Variants in FLNA observed in about 807,000 individuals in gnomAD.
FLNA encodes the protein filamin A, also known as filamin-A.
A neutral mutation model predicts 157.6 loss-of-function variants in FLNA; 7 were observed. That is an observed-to-expected ratio of 0.04 (90% CI 0.03 to 0.08). The LOEUF is 0.08. FLNA is among the 10% of genes least tolerant of loss of function. FLNA has a pLI of 1.00. For synonymous variants in FLNA, 1,103 were observed against 1,060.8 expected, an observed-to-expected ratio of 1.04 and a Z score of -0.77; for missense variants, 1,750 against 2,398.4, an observed-to-expected ratio of 0.73 and a Z score of 5.65.
intron 13 of FLNA, 25 bp downstream of exon 13, chrX:154,364,499 CTT>C (rs1304662088): frequency 8.3e-7 from 1 of 1,203,274 alleles, no homozygotes; most frequent in Non-Finnish European, 1.1e-6. Context: ...CAGGGCGAGA[CTT>C]AGGCCATCAC....
Position 154,359,001 on chromosome X carries a change from T to G in FLNA, c.4457A>C (p.Lys1486Thr). ...ACACTCACCTTTGGGCCCTTGCACT[T>G]TGACCTGCAATGGGGCCACACCAGC... ...SKAGVAPLQVKVQGPKGLVEP... is the reference protein window; with the variant it reads ...SKAGVAPLQVTVQGPKGLVEP... Residue 1486 changes from lysine to threonine, a missense_variant, in exon 26 of 48, where the codon AAA becomes ACA. Physicochemically the swap from Lys to Thr is moderately conservative, Grantham distance 78. This residue lies in a region of FLNA where 970 missense variants were observed against 1,302.6 expected (regional missense o/e 0.74). Transcript: ENST00000369850. 1 of 1,211,403 alleles carries G rather than the reference T, an allele frequency of 8.3e-7. No individual in the cohort carries two copies. Among genetic ancestry groups the G allele is most frequent in the Non-Finnish European group, 1.1e-6 (1 of 895,489 alleles).
chrX:154,365,581 C>A, intron 9 of FLNA, 95 bp from the exon 10 acceptor site: 1 of 1,038,823 alleles, frequency 9.6e-7, no homozygotes, highest in East Asian at 3.2e-5. Flanking sequence ...TGGTGGGTCC[C>A]TCAGAGCTTG....
intron 32 of FLNA, 54 bp downstream of exon 32, chrX:154,354,562 C>G (rs1449649957): frequency 8.5e-7 from 1 of 1,171,373 alleles, no homozygotes; most frequent in African/African-American, 1.8e-5. Context: ...AAACTAGGGG[C>G]TCACAGAACA....
At chrX:154,358,804 C>T in intron 26 of FLNA, 180 bp downstream of exon 26, 1 of 613,493 alleles carries the variant, frequency 1.6e-6, no homozygotes, top group Non-Finnish European at 2.6e-6. Context: ...GTCCCATCTG[C>T]TCTACCTCCT....
chrX:154,371,263 C>CG lies in FLNA; in HGVS notation c.-19dup, dbSNP rs782079491. 305 of 1,195,735 alleles carry CG rather than the reference C, an allele frequency of 2.6e-4. 1 individual carries two copies. In the African/African-American group the frequency reaches 4.0e-3, roughly 16 times the overall value. On this transcript the variant is annotated 5_prime_UTR_variant, in exon 2 of 48. Transcript: ENST00000369850. ...CTACTCATTTTGAGGCGCGAGAAGCCGGGGGGGCGGTGCTGCAGCCTCGGC... is the reference window on the plus strand; with the variant it reads ...CTACTCATTTTGAGGCGCGAGAAGCCGGGGGGGGCGGTGCTGCAGCCTCGGC...
chrX:154,351,965 C>T lies in FLNA; in HGVS notation c.6826G>A (p.Glu2276Lys), dbSNP rs782254347. Residue 2276 changes from glutamate to lysine, a missense_variant, in exon 42 of 48, where the codon GAG (glutamate) becomes AAG (lysine). Around this residue, in one of 5 missense-constraint regions of FLNA, gnomAD observed 970 missense variants for 1,302.6 expected, o/e 0.74. Transcript: ENST00000369850. ...GAGATCTCAGCCTTGCTGGGGCCCT[C>T]GACAGCAATGGCCAGGCCTCCAGCA... ...AGAGGLAIAVEGPSKAEISFE... is the reference protein window; with the variant it reads ...AGAGGLAIAVKGPSKAEISFE... 2 of 1,211,503 alleles carry T rather than the reference C, an allele frequency of 1.7e-6. No homozygotes were observed. The highest frequency in any genetic ancestry group is 2.2e-5 in the Admixed American group (1 of 46,121).
chrX:154,362,834 T>C (rs1557178403), intron 15 of FLNA, 50 bp from the exon 16 acceptor site: 1 of 1,153,864 alleles, frequency 8.7e-7, no homozygotes, highest in South Asian at 1.9e-5. Flanking sequence ...TGGAGGAGAC[T>C]CAGAAGCTCC....
At chrX:154,355,183 A>AGCCAGGCC (rs782738935) in intron 30 of FLNA, 111 bp from the exon 31 acceptor site, 150 of 865,521 alleles carry the variant, frequency 1.7e-4, no homozygotes, top group Non-Finnish European at 2.3e-4. Flanking sequence ...CACCAAGCAC[A>AGCCAGGCC]GCCAGGCCGC....
intron 6 of FLNA, 28 bp from the exon 7 acceptor site, chrX:154,366,667 T>C: frequency 1.7e-6 from 2 of 1,206,522 alleles, no homozygotes; most frequent in South Asian, 1.8e-5. Context: ...CTGTGAGCCT[T>C]TGCTAAGAGC....
At chrX:154,366,275 C>G in intron 8 of FLNA, 33 bp downstream of exon 8, 1 of 1,211,472 alleles carries the variant, frequency 8.3e-7, no homozygotes, top group Non-Finnish European at 1.1e-6. Flanking sequence ...GCTCTCCCCA[C>G]AGACCAGCTG....
rs782671225 is a variant in FLNA, at chrX:154,365,094, CAG to C, written c.1691+40_1691+41del. 48 of 1,208,736 alleles carry C rather than the reference CAG, an allele frequency of 4.0e-5. No individual in the cohort carries two copies. The Admixed American group carries it at 9.6e-4, about 24-fold the overall frequency. On this transcript the variant is annotated intron_variant, in intron 11 of 47. Transcript: ENST00000369850. ...GGGGAGGCAGAAGGAAGAGAAGAGG[CAG>C]AGTGTGCAGAGCTGGGAGAGGGATG...
intron 31 of FLNA, 53 bp from the exon 32 acceptor site, chrX:154,354,764 C>G: frequency 8.3e-7 from 1 of 1,210,069 alleles, no homozygotes; most frequent in Non-Finnish European, 1.1e-6. Context: ...AGAGGGGCCC[C>G]AGGGGAACAG....
rs782451202 is a variant in FLNA, at chrX:154,361,783, G to A, written c.2831C>T (p.Pro944Leu). 3 of 1,196,467 alleles carry A rather than the reference G, an allele frequency of 2.5e-6. No individual in the cohort carries two copies. The African/African-American group carries it at 5.3e-5, about 21-fold the overall frequency. The change falls in exon 20 of 48, where the codon CCA (proline) becomes CTA (leucine). Residue 944 changes from proline (P) to leucine (L), a missense_variant. Pro to Leu is a moderately conservative substitution (Grantham distance 98). This residue lies in a region of FLNA where 648 missense variants were observed against 805.8 expected (regional missense o/e 0.80). Transcript: ENST00000369850. ...TVKYTPVQQG[P>L]VGVNVTYGGD... ...TCCATAAGTGACATTGACGCCTACT[G>A]GACCCTGGGAAGGGTGCAGAAGGGA...
At chrX:154,369,716 C>A (rs139213493) in intron 2 of FLNA, among the ~76,000 whole-genome samples, 8,456 of 111,730 alleles carry the variant, frequency 0.076, 363 homozygotes, top group South Asian at 0.38. Flanking sequence ...GGTCGCCCCC[C>A]CTACCATCCA....
Position 154,366,638 on chromosome X carries a change from G to C in FLNA, c.989C>G (p.Ala330Gly), listed in dbSNP as rs782129085. The C allele has an allele frequency of 8.3e-7, 1 of 1,210,836 alleles. No homozygotes were observed. The highest frequency in any genetic ancestry group is 2.2e-5 in the Admixed American group (1 of 46,140). The change falls in exon 7 of 48, where the codon GCA (alanine) becomes GGA (glycine). Residue 330 changes from alanine (A) to glycine (G), a missense_variant and splice_region_variant. Coordinates refer to ENST00000369850, the MANE Select transcript of FLNA (RefSeq NM_001110556.2). Reference sequence around the variant, plus strand: ...CTTGTCGTTATTGGCGGTCACTTTTGCCTGCAGTGGGAAGGAGCCTGTGAG... The same window carrying C: ...CTTGTCGTTATTGGCGGTCACTTTTCCCTGCAGTGGGAAGGAGCCTGTGAG... ...VEDPAGHQEE[A>G]KVTANNDKNR...
In FLNA at chrX:154,358,757, G is replaced by A; in HGVS notation, c.4475-189C>T. 5.0e-6 allele frequency: 3 copies of A among 602,413 alleles called. No homozygotes were observed. In the South Asian group the frequency reaches 7.8e-5, roughly 16 times the overall value. The allele number at this position is 602,413 out of a possible 1,213,427, so 49.6% of individuals were successfully genotyped here. A position where few individuals can be genotyped will look rare whatever the true frequency, so the allele number is the denominator to read the frequency against. On this transcript the variant is annotated intron_variant, in intron 26 of 47. Transcript: ENST00000369850. ...CATCTGGGTGCCAGCTGGGACCCTT[G>A]CCTGCCTGCCTTCCTGCCACATCTG...
chrX:154,364,281 G>C lies in FLNA; in HGVS notation c.2114C>G (p.Ala705Gly). Residue 705 changes from alanine to glycine, a missense_variant, in exon 14 of 48, where the codon GCC becomes GGC. By Grantham distance (60) the Ala-to-Gly change is moderately conservative (BLOSUM62 0). Coordinates refer to ENST00000369850, the MANE Select transcript of FLNA (RefSeq NM_001110556.2). ...TACCTGGACTTGGACCCGAAGTGGG[G>C]CCTTGCCACCGTGCTTGGCATCCAC... ...FTVDAKHGGK[A>G]PLRVQVQDNE... 1 of 1,211,016 alleles carries C rather than the reference G, an allele frequency of 8.3e-7. No homozygotes were observed.
At position 154,358,235 on chromosome X, in the gene FLNA, C is replaced by A; in HGVS notation, c.4719G>T (p.Lys1573Asn). The change falls in exon 28 of 48, where the codon AAG (lysine) becomes AAT (asparagine). Residue 1573 changes from lysine to asparagine, a missense_variant. Transcript: ENST00000369850. ...CAGCCAGCAGGCCCTCCCCGGCGTC[C>A]TTTGCATCGATGGTGAACTCCACGG... The part of the protein sequence containing the change: ...SLPVEFTIDA[K>N]DAGEGLLAVQ... The A allele has an allele frequency of 8.3e-7, 1 of 1,211,164 alleles. No individual in the cohort carries two copies. The highest frequency in any genetic ancestry group is 1.1e-6 in the Non-Finnish European group (1 of 895,459).
rs1172426081 is a variant in FLNA at position 154,348,760 on chromosome X, C to A, written c.*89G>T. Reference sequence around the variant, plus strand: ...TGCAGTGACAGGCGGGCGGCCAGGGCGGCCTGGGCCGGGGTTGAGGGGAAG... The same window carrying A: ...TGCAGTGACAGGCGGGCGGCCAGGGAGGCCTGGGCCGGGGTTGAGGGGAAG... On this transcript the variant is annotated 3_prime_UTR_variant, in exon 48 of 48. Transcript: ENST00000369850. The A allele has an allele frequency of 2.3e-6, 2 of 853,450 alleles. No individual in the cohort carries two copies. Among genetic ancestry groups the A allele is most frequent in the Non-Finnish European group, 3.2e-6 (2 of 622,879 alleles). 70.3% of individuals were successfully genotyped at this position (853,450 alleles called of 1,213,427 possible).
Sources: allele counts gnomAD v4.1 joint callset (sites outside exome capture counted in the v4.1 genomes callset), GRCh38; gene constraint gnomAD v4.1.1; regional missense constraint gnomAD v4.1.1; transcripts MANE v1.5; gene names NCBI Gene and HGNC (gene_info 2026-07-23, HGNC 2026-07-21).